The following SCN10A variants were observed in gnomAD, a reference collection of about 807,000 sequenced individuals.
SCN10A encodes sodium channel protein type 10 subunit alpha.
SCN10A carries 162 observed loss-of-function variants against 170.7 expected under a neutral mutation model. The ratio of observed to expected loss-of-function variants is 0.95; its 90% CI spans 0.84 to 1.08. The LOEUF is 1.08. Ranked by LOEUF, SCN10A falls within the 50% of genes least tolerant of loss-of-function variation. SCN10A has a pLI of 0.00. For synonymous variants in SCN10A, 985 were observed against 904.6 expected (o/e 1.09, Z -1.59); for missense variants, 2,527 against 2,436.9 (o/e 1.04, Z -0.78).
intron 1 of SCN10A, among the ~76,000 whole-genome samples, chr3:38,803,798 A>T (rs1351929914): frequency 4.0e-5 from 6 of 151,814 alleles, no homozygotes; most frequent in African/African-American, 1.5e-4. Context: ...TAAAGTATAT[A>T]AAAAAAACAA....
At position 38,761,264 on chromosome 3, in the gene SCN10A, T is replaced by C. The variant is rs1186204399; in HGVS notation, c.811A>G (p.Asn271Asp). Residue 271 changes from asparagine (N) to aspartate (D), a missense_variant, in exon 7 of 28, where the codon AAC becomes GAC. Transcript: ENST00000449082. ...TTCTTGACACATTTATTTTTGAGGT[T>C]GCCCTTGAAGAGTTGCAGCCCCACC... ...ALVGLQLFKG[N>D]LKNKCVKNDM... 1 of 1,614,042 alleles carries C rather than the reference T, an allele frequency of 6.2e-7. No homozygotes were observed. Among genetic ancestry groups the C allele is most frequent in the African/African-American group, 1.3e-5 (1 of 75,050 alleles).
chr3:38,704,813 A>T (rs2063192822), intron 26 of SCN10A, among the ~76,000 whole-genome samples: 1 of 152,212 alleles, frequency 6.6e-6, no homozygotes, highest in Non-Finnish European at 1.5e-5. Flanking sequence ...ATGGGGCAGA[A>T]ATCCTGTGTC....
rs768566944 is a variant in SCN10A at position 38,698,429 on chromosome 3, G to A, written c.4791C>T (p.Leu1597=). ...CAGGCAGGGACATCATGAGGGCAAA[G>A]AGCAGTGTGCGGATCCCCTTGGCCG... ...IRAAKGIRTL[L]FALMMSLPAL... is the part of the protein sequence containing the mutation. The change falls in exon 28 of 28, where the codon CTC becomes CTT. Residue 1597 remains leucine, a synonymous_variant. Coordinates refer to ENST00000449082, the MANE Select transcript of SCN10A (RefSeq NM_006514.4). 6.8e-6 allele frequency: 11 copies of A among 1,614,102 alleles called. No homozygotes were observed. The highest frequency in any genetic ancestry group is 1.7e-5 in the Admixed American group (1 of 60,010).
At chr3:38,760,607 C>T (rs2063857991) in intron 8 of SCN10A, 74 bp downstream of exon 8, 1 of 1,174,060 alleles carries the variant, frequency 8.5e-7, no homozygotes, top group Admixed American at 1.7e-5. Flanking sequence ...CCCATCTGTG[C>T]CCATAATATG....
intron 5 of SCN10A, among the ~76,000 whole-genome samples, chr3:38,770,848 C>T (rs2126040554): frequency 6.6e-6 from 1 of 152,260 alleles, no homozygotes; most frequent in African/African-American, 2.4e-5. Context: ...GGATGGATTC[C>T]CTGGTCTCAA....
intron 2 of SCN10A, 60 bp downstream of exon 2, chr3:38,793,681 G>T: frequency 1.3e-6 from 2 of 1,571,460 alleles, no homozygotes; most frequent in Non-Finnish European, 1.7e-6. Context: ...TCTGGGCTGG[G>T]TGGGACCGAG....
chr3:38,799,673 A>G (rs967400192), intron 1 of SCN10A, among the ~76,000 whole-genome samples: 4 of 152,196 alleles, frequency 2.6e-5, no homozygotes, highest in African/African-American at 9.7e-5. Context: ...TTCTTAATAA[A>G]ACAAATTATT....
intron 2 of SCN10A, among the ~76,000 whole-genome samples, chr3:38,792,655 A>G (rs2064298145): frequency 6.6e-6 from 1 of 152,130 alleles, no homozygotes; most frequent in Non-Finnish European, 1.5e-5. Flanking sequence ...GGCATGGGAG[A>G]GGAGGAAGAA....
chr3:38,742,158 C>T (rs754901587), intron 14 of SCN10A, 133 bp downstream of exon 14: 2 of 665,502 alleles, frequency 3.0e-6, no homozygotes, highest in African/African-American at 1.8e-5. Flanking sequence ...TGCACTGCTG[C>T]TCTGCTCTCA....
intron 5 of SCN10A, among the ~76,000 whole-genome samples, chr3:38,765,830 T>C (rs2063926312): frequency 6.6e-6 from 1 of 152,238 alleles, no homozygotes; most frequent in Non-Finnish European, 1.5e-5. Flanking sequence ...TTTCACAATA[T>C]TGATTTTATC....
At chr3:38,810,322 C>T (rs932258661) in intron 1 of SCN10A, among the ~76,000 whole-genome samples, 3 of 152,154 alleles carry the variant, frequency 2.0e-5, no homozygotes, top group African/African-American at 7.2e-5. Context: ...ACCAGTATAA[C>T]GCAGCCCTTC....
At chr3:38,721,676 T>C (rs561399032) in intron 20 of SCN10A, among the ~76,000 whole-genome samples, 1 of 152,314 alleles carries the variant, frequency 6.6e-6, no homozygotes, top group Admixed American at 6.5e-5. Context: ...GAAATGCAAA[T>C]TCTCAGGCCC....
chr3:38,795,330 T>G (rs1699110616), intron 1 of SCN10A, among the ~76,000 whole-genome samples: 2 of 141,434 alleles, frequency 1.4e-5, no homozygotes, highest in South Asian at 4.3e-4. Flanking sequence ...CTTTTTTGTT[T>G]TTTTCTTTTT....
rs149491608 is a variant in SCN10A at position 38,788,975 on chromosome 3, C to G, written c.451G>C (p.Asp151His). ...ACTCACTCAATTTTCTCTGGAAGGT[C>G]AGTTCGGGTCATGCACACACAATTA... ...LVNCVCMTRT[D>H]LPEKIEYVFT... The change falls in exon 4 of 28, where the codon GAC becomes CAC. Residue 151 changes from aspartate (D) to histidine (H), a missense_variant. Asp to His is a moderately conservative substitution (Grantham distance 81). Coordinates refer to ENST00000449082, the MANE Select transcript of SCN10A (RefSeq NM_006514.4). 2.5e-6 allele frequency: 4 copies of G among 1,607,490 alleles called. No individual in the cohort carries two copies. In the East Asian group the frequency reaches 8.9e-5, roughly 36 times the overall value.
At chr3:38,800,155 G>T (rs992892473) in intron 1 of SCN10A, among the ~76,000 whole-genome samples, 1 of 152,142 alleles carries the variant, frequency 6.6e-6, no homozygotes, top group African/African-American at 2.4e-5. Flanking sequence ...TAGAACCAAA[G>T]CTCCTACAAC....
At chr3:38,786,387 C>A (rs991506862) in intron 4 of SCN10A, among the ~76,000 whole-genome samples, 3 of 151,956 alleles carry the variant, frequency 2.0e-5, no homozygotes, top group African/African-American at 7.3e-5. Flanking sequence ...AACAGAAAAC[C>A]AAACACCGCA....
intron 15 of SCN10A, among the ~76,000 whole-genome samples, chr3:38,736,664 G>C (rs2063563982): frequency 6.6e-6 from 1 of 151,988 alleles, no homozygotes; most frequent in East Asian, 1.9e-4. Flanking sequence ...TTGTTTTCAA[G>C]GGCATAATAA....
intron 4 of SCN10A, among the ~76,000 whole-genome samples, chr3:38,779,466 G>C (rs77297345): frequency 0.017 from 2,519 of 152,042 alleles, 82 homozygotes; most frequent in East Asian, 0.16. Flanking sequence ...TAAAGGTCTT[G>C]TGCATATTTT....
At chr3:38,780,878 T>C (rs1473665579) in intron 4 of SCN10A, among the ~76,000 whole-genome samples, 1 of 152,032 alleles carries the variant, frequency 6.6e-6, no homozygotes, top group African/African-American at 2.4e-5. Flanking sequence ...GATGAGAACC[T>C]TGAAGATGAG....
Sources: gnomAD v4.1 joint callset for allele counts (sites outside exome capture counted in the v4.1 genomes callset) on GRCh38, gnomAD v4.1.1 for gene constraint, MANE v1.5 for transcripts, NCBI Gene and HGNC (gene_info 2026-07-23, HGNC 2026-07-21) for gene names.